Variants in ZC3H12B observed in about 807,000 individuals in gnomAD.
The protein encoded by ZC3H12B is zinc finger CCCH-type containing 12B.
ZC3H12B carries 7 observed loss-of-function variants against 43.9 expected under a neutral mutation model. That is an observed-to-expected ratio of 0.16 (90% confidence interval 0.09 to 0.30). The LOEUF is 0.30. Among genes scored for constraint, ZC3H12B ranks in the 10% least tolerant of loss-of-function variants. The pLI is 1.00. For missense variants in ZC3H12B, 475 were observed against 670.2 expected, an observed-to-expected ratio of 0.71 and a Z score of 3.22; for synonymous variants, 222 against 241.7, an observed-to-expected ratio of 0.92 and a Z score of 0.76.
At chrX:65,188,468 G>A in the ZC3H12B span, among the ~76,000 whole-genome samples, 1 of 102,260 alleles carries the variant, frequency 9.8e-6, no homozygotes, top group Non-Finnish European at 2.0e-5. Context: ...CCATATTGTT[G>A]CTGGTATTTG....
chrX:65,223,771 A>G, the ZC3H12B span, among the ~76,000 whole-genome samples: 2 of 112,404 alleles, frequency 1.8e-5, no homozygotes, highest in South Asian at 3.7e-4. Context: ...ACAATGTGAT[A>G]CCATCCTATT....
At chrX:65,291,438 TAC>T in the ZC3H12B span, among the ~76,000 whole-genome samples, 1 of 112,154 alleles carries the variant, frequency 8.9e-6, no homozygotes, top group Non-Finnish European at 1.9e-5. Flanking sequence ...ATGTAGTATG[TAC>T]ACACAATGGA....
chrX:65,488,549 CA>C, upstream of ZC3H12B: 1 of 230,298 alleles, frequency 4.3e-6, no homozygotes. Context: ...AACCAAATGC[CA>C]AAAATCCTGT....
At chrX:65,272,270 T>TAAAAAAAAAACAAA in the ZC3H12B span, 9 of 78,124 alleles carry the variant, frequency 1.2e-4, no homozygotes, top group African/African-American at 3.2e-4. Context: ...CTAAATTTAG[T>TAAAAAAAAAACAAA]AAAAAAAAAA....
At chrX:65,337,355 G>C in the ZC3H12B span, among the ~76,000 whole-genome samples, 1 of 112,384 alleles carries the variant, frequency 8.9e-6, no homozygotes, top group Non-Finnish European at 1.9e-5. Context: ...AATCCATACA[G>C]TAAAGTGAAA....
At chrX:65,121,219 G>A in the ZC3H12B span, among the ~76,000 whole-genome samples, 1 of 111,638 alleles carries the variant, frequency 9.0e-6, no homozygotes, top group Non-Finnish European at 1.9e-5. Flanking sequence ...AATTTCAGAA[G>A]GAATGGTACC....
At chrX:65,396,378 G>A (rs1043040627) in intron 2 of ZC3H12B, among the ~76,000 whole-genome samples, 1 of 111,878 alleles carries the variant, frequency 8.9e-6, no homozygotes, top group Non-Finnish European at 1.9e-5. Context: ...CTGGTACGTT[G>A]TGTCTTCATT....
intron 3 of ZC3H12B, among the ~76,000 whole-genome samples, chrX:65,400,377 T>C (rs1183305610): frequency 4.5e-5 from 5 of 111,083 alleles, no homozygotes; most frequent in Non-Finnish European, 9.4e-5. Context: ...TCATCAGATC[T>C]ATGCCTCATC....
upstream of ZC3H12B, among the ~76,000 whole-genome samples, chrX:65,362,292 C>A (rs1008954937): frequency 9.0e-6 from 1 of 111,585 alleles, no homozygotes; most frequent in Non-Finnish European, 1.9e-5. Flanking sequence ...GCTACCCACT[C>A]CACATTACCT....
the ZC3H12B span, among the ~76,000 whole-genome samples, chrX:65,132,553 C>T: frequency 1.8e-5 from 2 of 110,413 alleles, no homozygotes; most frequent in Admixed American, 9.7e-5. Context: ...GGAAAAAGGG[C>T]AGCAATGAGG....
At chrX:65,362,704 G>A (rs1403355518), upstream of ZC3H12B, among the ~76,000 whole-genome samples, 1 of 110,805 alleles carries the variant, frequency 9.0e-6, no homozygotes, top group Non-Finnish European at 1.9e-5. Context: ...CCATCCCACA[G>A]CATGCTTTAA....
At chrX:65,431,084 C>T (rs780958745) in intron 3 of ZC3H12B, among the ~76,000 whole-genome samples, 5 of 112,431 alleles carry the variant, frequency 4.4e-5, no homozygotes, top group Non-Finnish European at 9.4e-5. Context: ...GTAAGACATG[C>T]ACAGTGAAAA....
At chrX:65,449,729 A>T (rs776537101) in intron 3 of ZC3H12B, among the ~76,000 whole-genome samples, 4 of 112,013 alleles carry the variant, frequency 3.6e-5, no homozygotes, top group Non-Finnish European at 7.5e-5. Context: ...GGAGGCCATT[A>T]TTCTAAGAGA....
At chrX:65,105,909 C>G in the ZC3H12B span, among the ~76,000 whole-genome samples, 1 of 111,626 alleles carries the variant, frequency 9.0e-6, no homozygotes, top group Non-Finnish European at 1.9e-5. Context: ...CTGGATGAGT[C>G]TGCTGAGAAG....
At chrX:65,313,695 A>T in the ZC3H12B span, among the ~76,000 whole-genome samples, 8 of 112,451 alleles carry the variant, frequency 7.1e-5, no homozygotes, top group Admixed American at 6.6e-4. Flanking sequence ...ACAAACACAA[A>T]TTAAGTTTTT....
chrX:65,242,868 A>G, the ZC3H12B span, among the ~76,000 whole-genome samples: 3 of 112,534 alleles, frequency 2.7e-5, no homozygotes, highest in Admixed American at 9.4e-5. Flanking sequence ...TTTCAAGAAC[A>G]TATTTGAGAA....
At chrX:65,367,751 C>T in intron 1 of ZC3H12B, among the ~76,000 whole-genome samples, 1 of 111,113 alleles carries the variant, frequency 9.0e-6, no homozygotes. Flanking sequence ...TTTCTTGACA[C>T]ACCCTTAGGA....
At chrX:65,237,153 A>G in the ZC3H12B span, among the ~76,000 whole-genome samples, 7 of 112,067 alleles carry the variant, frequency 6.2e-5, no homozygotes, top group Admixed American at 5.7e-4. Context: ...GGCCATTTTC[A>G]TAATATCAAT....
the ZC3H12B span, among the ~76,000 whole-genome samples, chrX:65,167,079 G>A: frequency 8.9e-5 from 10 of 111,863 alleles, no homozygotes; most frequent in East Asian, 2.2e-3. Context: ...GGCTTTTGTT[G>A]CCGTTGCCTT....
Sources: allele counts gnomAD v4.1 joint callset (sites outside exome capture counted in the v4.1 genomes callset), GRCh38; gene constraint gnomAD v4.1.1; transcripts MANE v1.5; gene names NCBI Gene and HGNC (gene_info 2026-07-23, HGNC 2026-07-21).